ZNF331: variants seen among roughly 807,000 people sequenced by gnomAD.
ZNF331 encodes the protein C2H2-like zinc finger protein rearranged in thyroid adenomas.
In ZNF331, 2 loss-of-function variants were observed where a neutral mutation model predicts 7.0. The ratio of observed to expected loss-of-function variants is 0.29; its 90% CI spans 0.12 to 0.90. The LOEUF (loss-of-function observed/expected upper bound fraction) is 0.90, where lower values mean the gene tolerates loss of function less well. Among genes scored for constraint, ZNF331 ranks in the 40% least tolerant of loss-of-function variants. ZNF331 has a pLI of 0.58. For synonymous variants in ZNF331, 196 were observed against 205.4 expected (o/e 0.95, Z 0.39); for missense variants, 432 against 587.7 (o/e 0.74, Z 2.74).
At chr19:53,506,001 G>GA in the ZNF331 span, among the ~76,000 whole-genome samples, 16 of 151,084 alleles carry the variant, frequency 1.1e-4, no homozygotes, top group Admixed American at 9.9e-4. Flanking sequence ...AAAAAGAAAA[G>GA]AAAAAAAGTG....
chr19:53,506,401 C>T, the ZNF331 span, among the ~76,000 whole-genome samples: 8 of 134,870 alleles, frequency 5.9e-5, no homozygotes, highest in African/African-American at 2.4e-4. Context: ...CACATACACA[C>T]TCTCTCTCTC....
chr19:53,518,272 C>T (rs910178036), upstream of ZNF331, among the ~76,000 whole-genome samples: 1 of 151,992 alleles, frequency 6.6e-6, no homozygotes, highest in Non-Finnish European at 1.5e-5. Flanking sequence ...TCTTTGGACT[C>T]TTAGACTTAC....
At chr19:53,574,589 A>G (rs1252962641) in intron 5 of ZNF331, among the ~76,000 whole-genome samples, 1 of 152,094 alleles carries the variant, frequency 6.6e-6, no homozygotes, top group Non-Finnish European at 1.5e-5. Context: ...TCATTCCTGA[A>G]AGTGGGTTAG....
the ZNF331 span, among the ~76,000 whole-genome samples, chr19:53,509,330 C>T: frequency 2.0e-5 from 3 of 152,304 alleles, no homozygotes; most frequent in African/African-American, 7.2e-5. Context: ...AGTAATGGAA[C>T]CCCAGACCCA....
chr19:53,570,575 C>T (rs544633510), intron 4 of ZNF331, among the ~76,000 whole-genome samples: 13 of 152,140 alleles, frequency 8.5e-5, no homozygotes, highest in African/African-American at 2.9e-4. Context: ...TCTTGTTGCC[C>T]AGGCTGGAGT....
upstream of ZNF331, among the ~76,000 whole-genome samples, chr19:53,533,555 T>C (rs1445374310): frequency 6.6e-6 from 1 of 152,230 alleles, no homozygotes; most frequent in Non-Finnish European, 1.5e-5. Context: ...GATTTTCTGC[T>C]GAATAAGTTG....
At chr19:53,550,012 C>T (rs1036807350) in intron 2 of ZNF331, among the ~76,000 whole-genome samples, 2 of 152,162 alleles carry the variant, frequency 1.3e-5, no homozygotes, top group African/African-American at 2.4e-5. Context: ...AGCATCATGT[C>T]GATTAATATC....
chr19:53,528,438 G>T (rs566913646), intron 2 of ZNF331, among the ~76,000 whole-genome samples: 14 of 152,182 alleles, frequency 9.2e-5, no homozygotes, highest in Non-Finnish European at 1.3e-4. Context: ...TAAAGTAATT[G>T]TTATGTATTA....
At chr19:53,506,444 GTCTCTCTCTC>G in the ZNF331 span, among the ~76,000 whole-genome samples, 1,284 of 86,216 alleles carry the variant, frequency 0.015, 32 homozygotes, top group African/African-American at 0.045. Context: ...CTCTCTCTCT[GTCTCTCTCTC>G]TCTCTCTCTC....
intron 2 of ZNF331, among the ~76,000 whole-genome samples, chr19:53,529,172 C>T (rs1258464809): frequency 1.3e-5 from 2 of 152,000 alleles, no homozygotes; most frequent in African/African-American, 2.4e-5. Context: ...GGAGCTGAGG[C>T]GGGTGGATCA....
Position 53,571,882 on chromosome 19 carries a change from A to G in ZNF331, c.136+152A>G. ...CCTTATTGATGTGGCCGTGAGCACC[A>G]CAACCTTCCCCTCCCATCCATCGGT... is the stretch of plus-strand genomic sequence containing the variant. On this transcript the variant is annotated intron_variant, in intron 5 of 5. Coordinates refer to ENST00000449416, the MANE Select transcript of ZNF331 (RefSeq NM_001079906.2). The surrounding 1 kb of genome is among the most constrained non-coding windows in gnomAD (Gnocchi z 4.7). 1 of 992,034 alleles carries G rather than the reference A, an allele frequency of 1.0e-6. No homozygotes were observed. The highest frequency in any genetic ancestry group is 1.7e-5 in the African/African-American group (1 of 59,116). The allele number at this position is 992,034 out of a possible 1,614,324, so 61.5% of individuals were successfully genotyped here.
chr19:53,525,257 T>C (rs1339352550), intron 2 of ZNF331, among the ~76,000 whole-genome samples: 1 of 152,242 alleles, frequency 6.6e-6, no homozygotes, highest in Non-Finnish European at 1.5e-5. Context: ...GGCTCTTTTT[T>C]GGTTCCATAT....
Position 53,559,179 on chromosome 19 carries a change from A to G in ZNF331, c.-74+3271A>G, listed in dbSNP as rs111174374. 2.8e-4 allele frequency among the ~76,000 whole-genome samples: 40 copies of G among 141,298 alleles called. 2 individuals carry two copies. Among genetic ancestry groups the G allele is most frequent in the Non-Finnish European group, 4.9e-5 (3 of 61,488 alleles). The allele number at this position is 141,298 out of a possible 152,430, so 92.7% of individuals were successfully genotyped here. The stretch of plus-strand genomic sequence containing the variant: ...ACACCTACATATATACACACCATAC[A>G]TATACAAACACACCCCATGTACACA... On this transcript the variant is annotated intron_variant, in intron 3 of 5. Coordinates refer to ENST00000449416, the MANE Select transcript of ZNF331 (RefSeq NM_001079906.2).
Position 53,560,297 on chromosome 19 carries a change from A to G in ZNF331, c.-74+4389A>G, listed in dbSNP as rs1436426323. 6.6e-6 allele frequency among the ~76,000 whole-genome samples: 1 copy of G among 151,948 alleles called. No individual in the cohort carries two copies. The highest frequency in any genetic ancestry group is 1.5e-5 in the Non-Finnish European group (1 of 67,998). On this transcript the variant is annotated intron_variant, in intron 3 of 5. Coordinates refer to ENST00000449416, the MANE Select transcript of ZNF331 (RefSeq NM_001079906.2). The surrounding 1 kb of genome is among the most constrained non-coding windows in gnomAD (Gnocchi z 4.3). ...ACACACCATATATATGCACATATAT[A>G]TATACACCCACACCATATACACACA...
At position 53,560,161 on chromosome 19, in the gene ZNF331, A is replaced by G. The variant is rs1206356178; in HGVS notation, c.-74+4253A>G. 6.6e-6 allele frequency among the ~76,000 whole-genome samples: 1 copy of G among 150,466 alleles called. No individual in the cohort carries two copies. Among genetic ancestry groups the G allele is most frequent in the South Asian group, 2.1e-4 (1 of 4,752 alleles). On this transcript the variant is annotated intron_variant, in intron 3 of 5. Coordinates refer to ENST00000449416, the MANE Select transcript of ZNF331 (RefSeq NM_001079906.2). The surrounding 1 kb of genome is among the most constrained non-coding windows in gnomAD (Gnocchi z 4.3). The stretch of plus-strand genomic sequence containing the variant: ...TATATACACACATATATACACATCC[A>G]CACCATATATACACACACCATACAC...
At position 53,571,624 on chromosome 19, in the gene ZNF331, C is replaced by T. The variant is rs141689271; in HGVS notation, c.30C>T (p.Asp10=). MAQGLVTFA[D]VAIDFSQEEW... ...TTCAGGGTTTGGTGACGTTCGCCGACGTAGCCATAGACTTTTCTCAGGAGG... is the reference window on the plus strand; with the variant it reads ...TTCAGGGTTTGGTGACGTTCGCCGATGTAGCCATAGACTTTTCTCAGGAGG... The change falls in exon 5 of 6, where the codon GAC becomes GAT. Residue 10 remains aspartate, a synonymous_variant. Coordinates refer to ENST00000449416, the MANE Select transcript of ZNF331 (RefSeq NM_001079906.2). The surrounding 1 kb of genome is among the most constrained non-coding windows in gnomAD (Gnocchi z 4.7). 7,002 of 1,613,998 alleles carry T rather than the reference C, an allele frequency of 4.3e-3. 20 individuals are homozygous for T. Among genetic ancestry groups the T allele is most frequent in the Middle Eastern group, 9.7e-3 (59 of 6,060 alleles).
chr19:53,540,434 T>C (rs896721947), intron 2 of ZNF331, among the ~76,000 whole-genome samples: 9 of 150,640 alleles, frequency 6.0e-5, no homozygotes, highest in Admixed American at 1.3e-4. Context: ...GGAGATAGTC[T>C]TTTTTTTTCT....
chr19:53,505,653 G>A, the ZNF331 span, among the ~76,000 whole-genome samples: 91,489 of 151,918 alleles, frequency 0.6, 28,430 homozygotes, highest in African/African-American at 0.74. Context: ...CAAGCTTCTG[G>A]CCCTGAATAG....
At chr19:53,523,964 C>A (rs1425906389) in intron 2 of ZNF331, among the ~76,000 whole-genome samples, 2 of 152,120 alleles carry the variant, frequency 1.3e-5, no homozygotes, top group Non-Finnish European at 2.9e-5. Context: ...CACCCTGTGT[C>A]CAATTGATCT....
Sources: gnomAD v4.1 joint callset for allele counts (sites outside exome capture counted in the v4.1 genomes callset) on GRCh38, gnomAD v4.1.1 for gene constraint, Gnocchi (gnomAD v3.1) non-coding constraint, MANE v1.5 for transcripts, NCBI Gene and HGNC (gene_info 2026-07-23, HGNC 2026-07-21) for gene names.